Variants in SCMH1 observed in about 807,000 individuals in gnomAD.
SCMH1 encodes the protein polycomb protein SCMH1.
SCMH1 carries 37 observed loss-of-function variants against 70.8 expected under a neutral mutation model. The ratio of observed to expected loss-of-function variants is 0.52; its 90% CI spans 0.40 to 0.69. SCMH1 has a LOEUF of 0.69. Among genes scored for constraint, SCMH1 ranks in the 30% least tolerant of loss-of-function variants. SCMH1 has a pLI of 0.00. For missense variants in SCMH1, 607 were observed against 827.3 expected, an observed-to-expected ratio of 0.73 and a Z score of 3.27; for synonymous variants, 292 against 307.4, an observed-to-expected ratio of 0.95 and a Z score of 0.52.
intron 2 of SCMH1, among the ~76,000 whole-genome samples, chr1:41,168,210 G>C (rs1022850217): frequency 1.3e-5 from 2 of 151,976 alleles, no homozygotes; most frequent in Non-Finnish European, 2.9e-5. Context: ...GAAGTTTTCT[G>C]ACATAATTTC....
intron 10 of SCMH1, among the ~76,000 whole-genome samples, chr1:41,059,880 G>A (rs545098618): frequency 5.9e-5 from 9 of 152,166 alleles, no homozygotes; most frequent in East Asian, 1.9e-4. Context: ...CATGTCCTTC[G>A]AGGGAGGTCA....
chr1:41,053,730 T>C (rs1392642958), intron 10 of SCMH1, among the ~76,000 whole-genome samples: 2 of 152,196 alleles, frequency 1.3e-5, no homozygotes, highest in South Asian at 2.1e-4. Context: ...ACACATGGCA[T>C]TGGCTCTGGA....
At chr1:41,196,046 G>T (rs1652939704) in intron 1 of SCMH1, among the ~76,000 whole-genome samples, 1 of 152,012 alleles carries the variant, frequency 6.6e-6, no homozygotes, top group South Asian at 2.1e-4. Flanking sequence ...ACAAAATATT[G>T]CAGAAAGAAA....
intron 1 of SCMH1, among the ~76,000 whole-genome samples, chr1:41,197,211 C>T (rs1272920933): frequency 6.6e-6 from 1 of 152,072 alleles, no homozygotes; most frequent in Non-Finnish European, 1.5e-5. Context: ...CCTAAAAGAA[C>T]TGAAAGCAGG....
intron 13 of SCMH1, among the ~76,000 whole-genome samples, chr1:41,034,556 T>C (rs2148544625): frequency 6.6e-6 from 1 of 152,276 alleles, no homozygotes; most frequent in South Asian, 2.1e-4. Context: ...CTTGATCTCT[T>C]GACCTCGTGA....
chr1:41,220,603 C>T (rs74070719), intron 1 of SCMH1, among the ~76,000 whole-genome samples: 1,965 of 152,298 alleles, frequency 0.013, 41 homozygotes, highest in African/African-American at 0.045. Flanking sequence ...TCAGAGCACA[C>T]AATTTGTTTA....
chr1:41,242,229 C>A (rs974223208), upstream of SCMH1: 1 of 57,964 alleles, frequency 1.7e-5, no homozygotes, highest in Non-Finnish European at 3.6e-5. The surrounding 1 kb of genome is among the most constrained non-coding windows in gnomAD (Gnocchi z 5.2). Flanking sequence ...AGGCGGGGGG[C>A]GGGGCGGGGG....
rs546271138 is a variant in SCMH1, at chr1:41,100,214, A to C, written c.745+13069T>G. On this transcript the variant is annotated intron_variant, in intron 8 of 14. Coordinates refer to ENST00000337495, the Ensembl canonical transcript of SCMH1. ...CTGATGAAAACTTTTACTAAGGAGA[A>C]TACTAAGTTTATCAAAACCCGGGTA... is the stretch of plus-strand genomic sequence containing the variant. Among the ~76,000 whole-genome samples, 222 of 152,330 alleles carry C rather than the reference A, an allele frequency of 1.5e-3. 2 individuals are homozygous for C. The highest frequency in any genetic ancestry group is 5.2e-3 in the African/African-American group (215 of 41,576).
intron 8 of SCMH1, among the ~76,000 whole-genome samples, chr1:41,079,928 G>A (rs1293807779): frequency 6.6e-6 from 1 of 151,804 alleles, no homozygotes; most frequent in Non-Finnish European, 1.5e-5. Flanking sequence ...CTTTCTGTTG[G>A]CTCTTGTCTG....
intron 1 of SCMH1, among the ~76,000 whole-genome samples, chr1:41,190,634 A>G (rs1257627754): frequency 6.6e-6 from 1 of 152,342 alleles, no homozygotes; most frequent in African/African-American, 2.4e-5. Context: ...TATAAACAAC[A>G]CTGTGCAAGT....
At chr1:41,104,878 G>C (rs1160030459) in intron 8 of SCMH1, among the ~76,000 whole-genome samples, 2 of 152,098 alleles carry the variant, frequency 1.3e-5, no homozygotes, top group Non-Finnish European at 2.9e-5. Context: ...ATGGGCTCTG[G>C]AAACAAATCT....
intron 1 of SCMH1, among the ~76,000 whole-genome samples, chr1:41,233,035 T>C (rs1239935452): frequency 6.6e-6 from 1 of 152,206 alleles, no homozygotes; most frequent in Non-Finnish European, 1.5e-5. Context: ...AAGTCCCTTC[T>C]TTAGGCCTCA....
chr1:41,180,268 G>A (rs950180844), intron 2 of SCMH1, among the ~76,000 whole-genome samples: 1 of 152,092 alleles, frequency 6.6e-6, no homozygotes, highest in Non-Finnish European at 1.5e-5. Flanking sequence ...ATACTGAATG[G>A]GCCAACACTG....
chr1:41,222,040 C>T (rs1659404456), intron 1 of SCMH1, among the ~76,000 whole-genome samples: 1 of 151,268 alleles, frequency 6.6e-6, no homozygotes, highest in Non-Finnish European at 1.5e-5. Context: ...CTTAAACTGG[C>T]AGCATTAAGT....
rs543646387 is a variant in SCMH1, at chr1:41,089,414, C to T, written c.746-13963G>A. Among the ~76,000 whole-genome samples the T allele has an allele frequency of 2.6e-5, 4 of 152,288 alleles. No individual in the cohort carries two copies. In the South Asian group the frequency reaches 8.3e-4, roughly 32 times the overall value. On this transcript the variant is annotated intron_variant, in intron 8 of 14. Transcript: ENST00000337495. The stretch of plus-strand genomic sequence containing the variant: ...CCTCTCTTCTTCTTATATTCCTGTC[C>T]TATTAGCAGTCCATGAGCTATAACT...
intron 6 of SCMH1, among the ~76,000 whole-genome samples, chr1:41,130,134 GA>G: frequency 6.6e-6 from 1 of 151,848 alleles, no homozygotes; most frequent in Non-Finnish European, 1.5e-5. Flanking sequence ...ATCTTCTTTG[GA>G]AAAAAATATA....
chr1:41,236,713 A>C (rs1662464785), intron 1 of SCMH1, among the ~76,000 whole-genome samples: 1 of 152,142 alleles, frequency 6.6e-6, no homozygotes, highest in African/African-American at 2.4e-5. Flanking sequence ...ACATCCTCCT[A>C]TGTATTTTAA....
At chr1:41,055,166 T>C (rs923456147) in intron 10 of SCMH1, among the ~76,000 whole-genome samples, 1 of 151,942 alleles carries the variant, frequency 6.6e-6, no homozygotes, top group Non-Finnish European at 1.5e-5. Context: ...TGGTACAAAA[T>C]GGAAAAAATC....
intron 8 of SCMH1, among the ~76,000 whole-genome samples, chr1:41,106,654 C>T (rs1668005092): frequency 6.6e-6 from 1 of 151,792 alleles, no homozygotes; most frequent in South Asian, 2.1e-4. Context: ...TCTTTCTGCT[C>T]CTCTACTTAC....
Sources: gnomAD v4.1 joint callset for allele counts (sites outside exome capture counted in the v4.1 genomes callset) on GRCh38, gnomAD v4.1.1 for gene constraint, Gnocchi (gnomAD v3.1) non-coding constraint, MANE v1.5 for transcripts, NCBI Gene and HGNC (gene_info 2026-07-23, HGNC 2026-07-21) for gene names.